MRPL48: variants seen among roughly 807,000 people sequenced by gnomAD.
MRPL48 encodes mitochondrial ribosomal protein L48.
In MRPL48, 16 loss-of-function variants were observed where a neutral mutation model predicts 32.9. The ratio of observed to expected loss-of-function variants is 0.49; its 90% CI spans 0.33 to 0.74. The LOEUF (loss-of-function observed/expected upper bound fraction) is 0.74. MRPL48 is among the 30% of genes least tolerant of loss of function. The pLI is 0.02. For missense variants in MRPL48, 206 were observed against 245.3 expected, an observed-to-expected ratio of 0.84 and a Z score of 1.07; for synonymous variants, 94 against 89.2, an observed-to-expected ratio of 1.05 and a Z score of -0.31.
intron 4 of MRPL48, among the ~76,000 whole-genome samples, chr11:73,832,905 C>T (rs115126037): frequency 7.2e-4 from 109 of 152,146 alleles, no homozygotes; most frequent in Middle Eastern, 6.8e-3. Flanking sequence ...CTCAGGTGAA[C>T]GGGACATGGT....
chr11:73,845,433 A>G (rs184567810), intron 5 of MRPL48, among the ~76,000 whole-genome samples: 23 of 152,354 alleles, frequency 1.5e-4, no homozygotes, highest in African/African-American at 5.5e-4. Flanking sequence ...ATAATGTTAT[A>G]CAAGCATCAC....
chr11:73,816,243 A>G (rs1283746904), intron 3 of MRPL48, among the ~76,000 whole-genome samples: 2 of 149,370 alleles, frequency 1.3e-5, no homozygotes, highest in Non-Finnish European at 3.0e-5. Context: ...TTGTATTTTT[A>G]GTAGAGACGG....
intron 1 of MRPL48, among the ~76,000 whole-genome samples, chr11:73,795,860 A>T (rs1438490205): frequency 6.6e-6 from 1 of 152,192 alleles, no homozygotes; most frequent in Non-Finnish European, 1.5e-5. Context: ...ACAAAGTTGT[A>T]CAACTGTTAC....
At chr11:73,859,663 A>ATT (rs150663562) in intron 5 of MRPL48, among the ~76,000 whole-genome samples, 28 of 149,948 alleles carry the variant, frequency 1.9e-4, no homozygotes, top group Middle Eastern at 3.4e-3. Context: ...GGAGTATTGT[A>ATT]TTTTTTTTTT....
chr11:73,850,521 C>T, intron 5 of MRPL48: 1 of 377,550 alleles, frequency 2.6e-6, no homozygotes, highest in Non-Finnish European at 5.1e-6. Flanking sequence ...ACCTTCCAGC[C>T]TTTGTCTTTT....
At chr11:73,818,913 T>C (rs1947723395) in intron 3 of MRPL48, among the ~76,000 whole-genome samples, 1 of 152,218 alleles carries the variant, frequency 6.6e-6, no homozygotes, top group Non-Finnish European at 1.5e-5. Flanking sequence ...ATAATTGTGA[T>C]AATTGAAAGA....
chr11:73,856,250 T>C (rs1219540969), intron 5 of MRPL48, among the ~76,000 whole-genome samples: 5 of 151,996 alleles, frequency 3.3e-5, no homozygotes, highest in Non-Finnish European at 7.4e-5. Flanking sequence ...TTTCAGACTG[T>C]GGTATTGTTA....
At position 73,864,802 on chromosome 11, in the gene MRPL48, T is replaced by A. The variant is rs1326966971; in HGVS notation, c.*432T>A. 1.7e-5 allele frequency: 3 copies of A among 172,884 alleles called. No individual in the cohort carries two copies. The highest frequency in any genetic ancestry group is 7.1e-5 in the African/African-American group (3 of 42,270). 10.7% of individuals were successfully genotyped at this position (172,884 alleles called of 1,614,324 possible). Reference sequence around the variant, plus strand: ...GTCTTTACCAAAAACATTCTTTTTTTTTTTTCCGAAACGGAGTCTCGCTCT... The same window carrying A: ...GTCTTTACCAAAAACATTCTTTTTTATTTTTCCGAAACGGAGTCTCGCTCT... On this transcript the variant is annotated 3_prime_UTR_variant, in exon 8 of 8. Transcript: ENST00000310614.
At chr11:73,836,075 A>AG (rs2135034903) in intron 4 of MRPL48, among the ~76,000 whole-genome samples, 1 of 151,502 alleles carries the variant, frequency 6.6e-6, no homozygotes, top group South Asian at 2.1e-4. Context: ...CCAGGATTAC[A>AG]GGTGTGCACC....
rs1948635067 is a variant in MRPL48 at position 73,864,458 on chromosome 11, C to G, written c.*88C>G. ...GGTAGTTAGAGTTCATCAGGAGACC[C>G]AACCCTTAGATTTCATAAGTACCCA... On this transcript the variant is annotated 3_prime_UTR_variant, in exon 8 of 8. Transcript: ENST00000310614. The G allele has an allele frequency of 7.5e-7, 1 of 1,326,714 alleles. No individual in the cohort carries two copies. 82.2% of individuals were successfully genotyped at this position (1,326,714 alleles called of 1,614,324 possible).
intron 6 of MRPL48, among the ~76,000 whole-genome samples, chr11:73,860,845 C>T (rs977879948): frequency 5.3e-5 from 8 of 152,140 alleles, no homozygotes; most frequent in African/African-American, 9.7e-5. Context: ...TAAAAGAAAC[C>T]GTGTACTCAT....
intron 1 of MRPL48, among the ~76,000 whole-genome samples, chr11:73,800,969 G>A (rs1224413229): frequency 4.0e-5 from 6 of 151,758 alleles, no homozygotes; most frequent in African/African-American, 7.3e-5. Context: ...GCGCCACCAC[G>A]CCCGGCTAAT....
At chr11:73,806,123 A>G (rs1398165453) in intron 2 of MRPL48, among the ~76,000 whole-genome samples, 1 of 151,842 alleles carries the variant, frequency 6.6e-6, no homozygotes, top group Admixed American at 6.6e-5. Flanking sequence ...TTTTTTTTAA[A>G]GAGACCTAAC....
chr11:73,790,028 G>A (rs554509021), intron 1 of MRPL48, among the ~76,000 whole-genome samples: 67 of 151,572 alleles, frequency 4.4e-4, no homozygotes, highest in African/African-American at 1.5e-3. Context: ...CATGAGCAGC[G>A]GGGATTACAG....
intron 4 of MRPL48, among the ~76,000 whole-genome samples, chr11:73,838,241 A>G (rs561597563): frequency 2.8e-4 from 42 of 152,332 alleles, no homozygotes; most frequent in African/African-American, 9.9e-4. Flanking sequence ...GATGTGAGAA[A>G]AATTGTGTAG....
chr11:73,842,942 G>A (rs756848319), intron 4 of MRPL48: 3 of 152,216 alleles, frequency 2.0e-5, no homozygotes, highest in Non-Finnish European at 4.4e-5. Flanking sequence ...CTCCTGAGTA[G>A]CTGGGATTAC....
intron 3 of MRPL48, among the ~76,000 whole-genome samples, chr11:73,817,512 A>AT (rs2134992601): frequency 6.6e-6 from 1 of 152,296 alleles, no homozygotes; most frequent in Non-Finnish European, 1.5e-5. Context: ...ATCGAGTATT[A>AT]TTTTTAATAT....
rs73547523 is a variant in MRPL48, at chr11:73,815,682, T to C, written c.112+7332T>C. 4.1e-3 allele frequency among the ~76,000 whole-genome samples: 623 copies of C among 152,018 alleles called. 1 individual carries two copies. Among genetic ancestry groups the C allele is most frequent in the African/African-American group, 0.014 (591 of 41,472 alleles). On this transcript the variant is annotated intron_variant, in intron 3 of 7. Transcript: ENST00000310614. The stretch of plus-strand genomic sequence containing the variant: ...GTCTAGGACTATTTTTTGTTTTGTT[T>C]TTTTTACTTAAAAATTTTTAAAAAT...
At chr11:73,859,026 G>A (rs1328810264) in intron 5 of MRPL48, among the ~76,000 whole-genome samples, 1 of 152,202 alleles carries the variant, frequency 6.6e-6, no homozygotes, top group East Asian at 1.9e-4. Context: ...AATGTTTGGA[G>A]GTAGTTTTGA....
Sources: gnomAD v4.1 joint callset for allele counts (sites outside exome capture counted in the v4.1 genomes callset) on GRCh38, gnomAD v4.1.1 for gene constraint, MANE v1.5 for transcripts, NCBI Gene and HGNC (gene_info 2026-07-23, HGNC 2026-07-21) for gene names.